The following DAB1 variants were observed in gnomAD, a reference collection of about 807,000 sequenced individuals.
DAB1 encodes the protein DAB adaptor protein 1.
DAB1 carries 15 observed loss-of-function variants against 64.6 expected under a neutral mutation model. That is an observed-to-expected ratio of 0.23 (90% CI 0.16 to 0.36). The LOEUF is 0.36. DAB1 is among the 10% of genes least tolerant of loss of function. The probability of loss-of-function intolerance (pLI) is 1.00; values close to 1 mark genes in which losing one functional copy is unlikely to be tolerated. For synonymous variants in DAB1, 235 were observed against 251.9 expected, an observed-to-expected ratio of 0.93 and a Z score of 0.64; for missense variants, 596 against 706.7, an observed-to-expected ratio of 0.84 and a Z score of 1.78.
intron 5 of DAB1, among the ~76,000 whole-genome samples, chr1:58,094,168 C>T (rs1348822161): frequency 6.6e-6 from 1 of 152,294 alleles, no homozygotes; most frequent in Non-Finnish European, 1.5e-5. Context: ...AGTGACACCA[C>T]CCCATTGCTC....
At chr1:58,062,638 A>G (rs2764678) in intron 5 of DAB1, among the ~76,000 whole-genome samples, 151,750 of 152,340 alleles carry the variant, frequency 1, 75,584 homozygotes, top group Middle Eastern at 1. Flanking sequence ...CCTGGTGCAG[A>G]GTGAGGACAC....
chr1:58,161,327 G>T (rs1473397979), intron 4 of DAB1, among the ~76,000 whole-genome samples: 1 of 152,178 alleles, frequency 6.6e-6, no homozygotes, highest in African/African-American at 2.4e-5. Flanking sequence ...ACAGTAGCCT[G>T]GGAAGTGGAA....
intron 1 of DAB1, among the ~76,000 whole-genome samples, chr1:57,859,859 TA>T (rs1653930162): frequency 6.6e-6 from 1 of 152,224 alleles, no homozygotes; most frequent in Admixed American, 6.5e-5. Context: ...TGGATGAAGG[TA>T]AAAGCTACTA....
At chr1:57,166,112 T>C (rs1167395071) in intron 2 of DAB1, among the ~76,000 whole-genome samples, 2 of 152,338 alleles carry the variant, frequency 1.3e-5, no homozygotes, top group Admixed American at 1.3e-4. Flanking sequence ...ATAAACATCA[T>C]AATGGAGAAG....
At chr1:58,015,098 T>C (rs920187610) in intron 5 of DAB1, among the ~76,000 whole-genome samples, 3 of 152,194 alleles carry the variant, frequency 2.0e-5, no homozygotes, top group Admixed American at 6.5e-5. Context: ...GCCCCACTTG[T>C]AGACTTGGCC....
At chr1:57,256,699 A>C (rs2100541173) in intron 2 of DAB1, among the ~76,000 whole-genome samples, 1 of 152,292 alleles carries the variant, frequency 6.6e-6, no homozygotes, top group East Asian at 1.9e-4. Context: ...GCCTTGAATA[A>C]TATTGCCAGT....
At chr1:57,829,993 T>G (rs1466481267) in intron 1 of DAB1, among the ~76,000 whole-genome samples, 2 of 152,182 alleles carry the variant, frequency 1.3e-5, no homozygotes, top group Admixed American at 6.5e-5. Context: ...CTTGTCCAAT[T>G]ATATCTGACT....
At chr1:58,417,682 T>C (rs1022064722) in intron 3 of DAB1, among the ~76,000 whole-genome samples, 2 of 152,192 alleles carry the variant, frequency 1.3e-5, no homozygotes, top group African/African-American at 4.8e-5. Flanking sequence ...TCAATTGAAG[T>C]GCTGCTGCTA....
At chr1:57,680,051 T>G (rs1306939768) in intron 6 of DAB1, among the ~76,000 whole-genome samples, 1 of 152,234 alleles carries the variant, frequency 6.6e-6, no homozygotes, top group Non-Finnish European at 1.5e-5. Context: ...ATGATGGAAA[T>G]AGCAATGTGG....
chr1:57,678,255 A>G (rs192577012), intron 6 of DAB1, among the ~76,000 whole-genome samples: 1 of 152,330 alleles, frequency 6.6e-6, no homozygotes, highest in East Asian at 1.9e-4. Flanking sequence ...ATATTGTGAG[A>G]GGCATTGCAG....
At chr1:57,650,465 A>T (rs1214104302) in intron 6 of DAB1, among the ~76,000 whole-genome samples, 1 of 7,330 alleles carries the variant, frequency 1.4e-4, no homozygotes, top group African/African-American at 2.7e-4. Context: ...ATAGAGGAAT[A>T]AAAAAAATTG....
At chr1:58,383,180 T>C (rs976138864) in intron 3 of DAB1, among the ~76,000 whole-genome samples, 7 of 151,888 alleles carry the variant, frequency 4.6e-5, no homozygotes, top group South Asian at 2.1e-4. Context: ...GTGAGCAGAG[T>C]ATTATGCCCT....
At chr1:57,529,962 G>A (rs891429102) in intron 7 of DAB1, among the ~76,000 whole-genome samples, 1 of 151,984 alleles carries the variant, frequency 6.6e-6, no homozygotes, top group Non-Finnish European at 1.5e-5. Context: ...AGATATATGA[G>A]TATACAAAGC....
intron 2 of DAB1, among the ~76,000 whole-genome samples, chr1:57,248,122 T>C (rs1669026540): frequency 6.6e-6 from 1 of 152,188 alleles, no homozygotes; most frequent in African/African-American, 2.4e-5. Context: ...CCTGTGCATA[T>C]CCTCCTGTAC....
At chr1:58,300,627 AGAGAGAGAGAGAGAGAGAGAGG>A (rs1557726132) in intron 4 of DAB1, among the ~76,000 whole-genome samples, 80 of 51,302 alleles carry the variant, frequency 1.6e-3, no homozygotes, top group Middle Eastern at 7.5e-3. Context: ...AGAGAGAGAG[AGAGAGAGAGAGAGAGAGAGAGG>A]AAGGAAGGAA....
chr1:57,643,470 A>G (rs750139893), intron 7 of DAB1, among the ~76,000 whole-genome samples: 1 of 152,034 alleles, frequency 6.6e-6, no homozygotes, highest in Non-Finnish European at 1.5e-5. Flanking sequence ...ATTTGCTTTT[A>G]TGTTAGTTAT....
chr1:57,505,128 C>T (rs1322636349), intron 7 of DAB1, among the ~76,000 whole-genome samples: 4 of 151,910 alleles, frequency 2.6e-5, no homozygotes, highest in Non-Finnish European at 5.9e-5. Flanking sequence ...AAAAAAAGTA[C>T]CTTACTAAAA....
chr1:57,229,708 G>C (rs1285377397), intron 2 of DAB1, among the ~76,000 whole-genome samples: 3 of 152,110 alleles, frequency 2.0e-5, no homozygotes, highest in Non-Finnish European at 4.4e-5. Context: ...CATTCTGGTG[G>C]CCATCTGTAG....
chr1:57,941,715 A>G (rs12409034), intron 5 of DAB1, among the ~76,000 whole-genome samples: 61,290 of 151,864 alleles, frequency 0.4, 13,507 homozygotes, highest in Admixed American at 0.51. Context: ...GGTGCCTGTA[A>G]TCCCAGCTAC....
Sources: gnomAD v4.1 joint callset for allele counts (sites outside exome capture counted in the v4.1 genomes callset) on GRCh38, gnomAD v4.1.1 for gene constraint, MANE v1.5 for transcripts, NCBI Gene and HGNC (gene_info 2026-07-23, HGNC 2026-07-21) for gene names.